Variants in CLIC5 observed in about 807,000 individuals in gnomAD.
CLIC5 encodes the protein chloride intracellular channel protein 5.
A neutral mutation model predicts 24.7 loss-of-function variants in CLIC5; 20 were observed. The ratio of observed to expected loss-of-function variants is 0.81; its 90% CI spans 0.57 to 1.18. CLIC5 has a LOEUF of 1.18. Ranked by LOEUF, CLIC5 falls within the 50% of genes most tolerant of loss-of-function variation. The probability of loss-of-function intolerance (pLI) is 0.00; values close to 1 mark genes in which losing one functional copy is unlikely to be tolerated. For synonymous variants in CLIC5, 159 were observed against 135.6 expected, an observed-to-expected ratio of 1.17 and a Z score of -1.20; for missense variants, 341 against 326.1, an observed-to-expected ratio of 1.05 and a Z score of -0.35.
At chr6:46,028,610 T>G (rs1438057906) in intron 1 of CLIC5, among the ~76,000 whole-genome samples, 1 of 152,244 alleles carries the variant, frequency 6.6e-6, no homozygotes, top group Admixed American at 6.5e-5. Context: ...TTCTAAGCCA[T>G]GTATGATCTA....
intron 4 of CLIC5, among the ~76,000 whole-genome samples, chr6:45,919,683 A>C (rs1016664769): frequency 6.6e-6 from 1 of 152,198 alleles, no homozygotes; most frequent in Non-Finnish European, 1.5e-5. Flanking sequence ...GATGGGTAAA[A>C]ATTGAGAAAT....
At chr6:45,904,881 C>G (rs1180617332) in intron 5 of CLIC5, among the ~76,000 whole-genome samples, 1 of 151,736 alleles carries the variant, frequency 6.6e-6, no homozygotes, top group African/African-American at 2.4e-5. Flanking sequence ...CCCCCTCCAT[C>G]CCTCTGCCAA....
At chr6:46,008,550 C>T (rs1766683037) in intron 1 of CLIC5, among the ~76,000 whole-genome samples, 1 of 152,204 alleles carries the variant, frequency 6.6e-6, no homozygotes, top group Non-Finnish European at 1.5e-5. Context: ...TGATCTCCCC[C>T]AGCCCCCTTC....
At chr6:45,945,503 C>G (rs923270866) in intron 3 of CLIC5, among the ~76,000 whole-genome samples, 2 of 152,122 alleles carry the variant, frequency 1.3e-5, no homozygotes, top group East Asian at 3.9e-4. Flanking sequence ...TTCTCTCTCT[C>G]CCTGAAGGAG....
intron 1 of CLIC5, among the ~76,000 whole-genome samples, chr6:46,023,535 G>T (rs1015855208): frequency 1.3e-5 from 2 of 152,118 alleles, no homozygotes; most frequent in African/African-American, 4.8e-5. Context: ...ATAAGAAATG[G>T]CTAGGGTTGG....
intron 6 of CLIC5, chr6:45,881,303 G>A (rs983902499): frequency 4.1e-5 from 16 of 394,172 alleles, no homozygotes; most frequent in Non-Finnish European, 5.8e-5. Flanking sequence ...TTCAAGTTAT[G>A]TATGTTAAAG....
chr6:46,012,522 G>A (rs925583032), intron 1 of CLIC5, among the ~76,000 whole-genome samples: 1 of 152,234 alleles, frequency 6.6e-6, no homozygotes, highest in Non-Finnish European at 1.5e-5. Context: ...AGCATTCTAT[G>A]AACACATTAG....
intron 1 of CLIC5, among the ~76,000 whole-genome samples, chr6:46,062,513 G>A (rs1762313072): frequency 6.6e-6 from 1 of 152,206 alleles, no homozygotes; most frequent in Non-Finnish European, 1.5e-5. Flanking sequence ...CCCTTCTGCT[G>A]ACCCCCAGGC....
rs148339549 is a variant in CLIC5, at chr6:45,957,388, G to C, written c.64-2144C>G. On this transcript the variant is annotated intron_variant, in intron 1 of 5. Coordinates refer to ENST00000339561, the MANE Select transcript of CLIC5 (RefSeq NM_016929.5). ...ACAAATGTGGAAATGGAGGCACAGA[G>C]AGATAAAATAACTGGCCTAAGGTTA... Among the ~76,000 whole-genome samples the C allele has an allele frequency of 7.2e-3, 1,099 of 152,300 alleles. 19 individuals carry two copies. The highest frequency in any genetic ancestry group is 0.028 in the Admixed American group (421 of 15,300).
At chr6:46,083,345 T>A (rs528503981), upstream of CLIC5, among the ~76,000 whole-genome samples, 689 of 152,358 alleles carry the variant, frequency 4.5e-3, 3 homozygotes, top group African/African-American at 0.016. Flanking sequence ...CTTGCTTTTC[T>A]AGTTCTTTTA....
At chr6:45,934,147 G>A (rs1474920629) in intron 4 of CLIC5, 1 of 152,232 alleles carries the variant, frequency 6.6e-6, no homozygotes, top group Non-Finnish European at 1.5e-5. Flanking sequence ...CTGCTCACAA[G>A]TTTAGAGCCA....
intron 1 of CLIC5, among the ~76,000 whole-genome samples, chr6:46,049,952 T>C (rs1482685122): frequency 6.6e-6 from 1 of 152,210 alleles, no homozygotes; most frequent in Non-Finnish European, 1.5e-5. Context: ...TTAGGGACTG[T>C]TTCTCAAGTT....
chr6:45,995,070 T>G (rs1268241312), intron 1 of CLIC5, among the ~76,000 whole-genome samples: 1 of 152,136 alleles, frequency 6.6e-6, no homozygotes, highest in Non-Finnish European at 1.5e-5. Flanking sequence ...AAAAAAAACC[T>G]CAAGGTGGCC....
intron 1 of CLIC5, among the ~76,000 whole-genome samples, chr6:46,030,353 AC>A (rs1418398089): frequency 6.6e-6 from 1 of 151,874 alleles, no homozygotes; most frequent in Non-Finnish European, 1.5e-5. Flanking sequence ...AGATCTCTCT[AC>A]CCTTCATCCT....
chr6:45,961,068 AATGTCT>A (rs1226375627), intron 1 of CLIC5, among the ~76,000 whole-genome samples: 2 of 152,216 alleles, frequency 1.3e-5, no homozygotes, highest in Non-Finnish European at 2.9e-5. Flanking sequence ...CAGATGCTTA[AATGTCT>A]GTTATTTCAA....
At chr6:46,126,459 T>C in the CLIC5 span, among the ~76,000 whole-genome samples, 1 of 152,224 alleles carries the variant, frequency 6.6e-6, no homozygotes, top group East Asian at 1.9e-4. Context: ...AGTGAAGGTC[T>C]AACACAATAG....
At chr6:45,903,939 G>A (rs1315187052) in intron 5 of CLIC5, among the ~76,000 whole-genome samples, 1 of 152,180 alleles carries the variant, frequency 6.6e-6, no homozygotes, top group Admixed American at 6.5e-5. Flanking sequence ...GAATGTATAT[G>A]TAGGTTTAGA....
At position 45,949,346 on chromosome 6, in the gene CLIC5, G is replaced by A. The variant is rs200737296; in HGVS notation, c.209C>T (p.Thr70Met). The change falls in exon 3 of 6, where the codon ACG becomes ATG. Residue 70 changes from threonine (T) to methionine (M), a missense_variant. By Grantham distance (81) the Thr-to-Met change is moderately conservative (BLOSUM62 -1). Transcript: ENST00000339561. Reference protein sequence around the residue: ...PADLHNLAPGTHPPFLTFNGD... With the variant: ...PADLHNLAPGMHPPFLTFNGD... The stretch of plus-strand genomic sequence containing the variant: ...GTTGAAGGTCAGGAAGGGCGGGTGC[G>A]TGCCGGGGGCTAGGTTGTGCAGGTC... 8.4e-5 allele frequency: 136 copies of A among 1,613,922 alleles called. No individual in the cohort carries two copies. Among genetic ancestry groups the A allele is most frequent in the African/African-American group, 7.5e-4 (56 of 75,016 alleles).
intron 1 of CLIC5, among the ~76,000 whole-genome samples, chr6:46,023,005 C>T (rs1432816849): frequency 1.3e-5 from 2 of 152,124 alleles, no homozygotes; most frequent in South Asian, 2.1e-4. Context: ...TGGTCCCTTG[C>T]TACATACTTA....
Sources: gnomAD v4.1 joint callset for allele counts (sites outside exome capture counted in the v4.1 genomes callset) on GRCh38, gnomAD v4.1.1 for gene constraint, MANE v1.5 for transcripts, NCBI Gene and HGNC (gene_info 2026-07-23, HGNC 2026-07-21) for gene names.